The following PCDHGA1 variants were observed in gnomAD, a reference collection of about 807,000 sequenced individuals.
PCDHGA1 encodes the protein protocadherin gamma subfamily A, 1, also known as protocadherin gamma-A1.
PCDHGA1 carries 32 observed loss-of-function variants against 58.0 expected under a neutral mutation model. The ratio of observed to expected loss-of-function variants is 0.55; its 90% CI spans 0.42 to 0.74. The LOEUF is 0.74. PCDHGA1 is among the 30% of genes least tolerant of loss of function. The probability of loss-of-function intolerance (pLI) is 0.00; values close to 1 mark genes in which losing one functional copy is unlikely to be tolerated. For synonymous variants in PCDHGA1, 498 were observed against 501.1 expected, an observed-to-expected ratio of 0.99 and a Z score of 0.08; for missense variants, 1,205 against 1,182.3, an observed-to-expected ratio of 1.02 and a Z score of -0.28.
At chr5:141,439,009 G>T (rs1474312524) in intron 1 of PCDHGA1, among the ~76,000 whole-genome samples, 1 of 151,594 alleles carries the variant, frequency 6.6e-6, no homozygotes, top group Non-Finnish European at 1.5e-5. Flanking sequence ...TGGTTTGTTT[G>T]TCAAATTTTG....
chr5:141,487,391 A>C lies in PCDHGA1; in HGVS notation c.2422-7416A>C. 1 of 1,614,090 alleles carries C rather than the reference A, an allele frequency of 6.2e-7. No homozygotes were observed. The highest frequency in any genetic ancestry group is 1.1e-5 in the South Asian group (1 of 91,078). ...TGCCTGTCTCACCAGATCTCGAAGG[A>C]GGGAGGGGCTTCCCCCTTCCAATGG... On this transcript the variant is annotated intron_variant, in intron 1 of 3. Transcript: ENST00000517417. The surrounding 1 kb of genome is among the most constrained non-coding windows in gnomAD (Gnocchi z 5.0).
Position 141,390,256 on chromosome 5 carries a change from A to G in PCDHGA1, c.2421+57151A>G, listed in dbSNP as rs2150415347. On this transcript the variant is annotated intron_variant, in intron 1 of 3. Coordinates refer to ENST00000517417, the MANE Select transcript of PCDHGA1 (RefSeq NM_018912.3). ...TCTGGGGCCTTATTTCCACTTTGTAATTCCAGTGAATTGACTTCCCATCAG... is the reference window on the plus strand; with the variant it reads ...TCTGGGGCCTTATTTCCACTTTGTAGTTCCAGTGAATTGACTTCCCATCAG... 6 of 1,614,022 alleles carry G rather than the reference A, an allele frequency of 3.7e-6. No homozygotes were observed. The East Asian group carries it at 1.3e-4, about 36-fold the overall frequency.
chr5:141,446,821 T>C lies in PCDHGA1; in HGVS notation c.2422-47986T>C, dbSNP rs183143971. ...CATTGTGATCATCTAGTCAGATGGG[T>C]AGATCCTTATAAGGCTGAGCATAAT... On this transcript the variant is annotated intron_variant, in intron 1 of 3. Coordinates refer to ENST00000517417, the MANE Select transcript of PCDHGA1 (RefSeq NM_018912.3). 1.6e-3 allele frequency among the ~76,000 whole-genome samples: 244 copies of C among 152,302 alleles called. 2 individuals carry two copies. The highest frequency in any genetic ancestry group is 5.4e-3 in the African/African-American group (223 of 41,572).
chr5:141,374,416 G>A, intron 1 of PCDHGA1: 2 of 1,613,948 alleles, frequency 1.2e-6, no homozygotes, highest in Non-Finnish European at 1.7e-6. Context: ...TCCTTGTCGA[G>A]GATAAACTGA....
intron 1 of PCDHGA1, chr5:141,338,823 C>G: frequency 3.6e-6 from 5 of 1,388,904 alleles, no homozygotes; most frequent in Non-Finnish European, 4.6e-6. Flanking sequence ...CTTCAGGACA[C>G]CAAAGAAATT....
chr5:141,471,408 T>C (rs951728688), intron 1 of PCDHGA1: 1 of 152,166 alleles, frequency 6.6e-6, no homozygotes, highest in Non-Finnish European at 1.5e-5. Flanking sequence ...CTAGGCTTAG[T>C]TATGTTTTTA....
intron 1 of PCDHGA1, among the ~76,000 whole-genome samples, chr5:141,380,345 TG>T (rs1448564641): frequency 6.6e-6 from 1 of 152,202 alleles, no homozygotes; most frequent in African/African-American, 2.4e-5. Context: ...AGAACTGTTT[TG>T]TTGTTTGTTT....
chr5:141,357,872 T>A (rs1760752511), intron 1 of PCDHGA1: 1 of 562,694 alleles, frequency 1.8e-6, no homozygotes, highest in African/African-American at 1.9e-5. Flanking sequence ...ATTTTACAAC[T>A]CTGAGCCACC....
chr5:141,435,686 T>C (rs2097774326), intron 1 of PCDHGA1, among the ~76,000 whole-genome samples: 1 of 152,340 alleles, frequency 6.6e-6, no homozygotes, highest in Non-Finnish European at 1.5e-5. Flanking sequence ...GAGAACTTTA[T>C]GCTTATTGTA....
intron 1 of PCDHGA1, among the ~76,000 whole-genome samples, chr5:141,357,914 G>A (rs1588531093): frequency 6.6e-6 from 1 of 152,274 alleles, no homozygotes; most frequent in East Asian, 1.9e-4. Flanking sequence ...TCTGTGCTGG[G>A]TGTGGTGGCT....
chr5:141,341,536 T>C (rs1056943929), intron 1 of PCDHGA1: 2 of 1,476,684 alleles, frequency 1.4e-6, no homozygotes, highest in South Asian at 2.8e-5. Flanking sequence ...GAATTATTTC[T>C]TGGTAGGTCT....
intron 1 of PCDHGA1, chr5:141,357,548 A>G: frequency 6.2e-7 from 1 of 1,614,204 alleles, no homozygotes; most frequent in South Asian, 1.1e-5. Context: ...ATCAGCCGGG[A>G]GAGTTGTGAG....
chr5:141,382,887 A>T (rs1778529404), intron 1 of PCDHGA1: 1 of 1,530,424 alleles, frequency 6.5e-7, no homozygotes, highest in Non-Finnish European at 8.8e-7. Context: ...TAAGCAAGAG[A>T]AGCAGGACGA....
intron 1 of PCDHGA1, chr5:141,376,072 C>T (rs755171325): frequency 6.8e-6 from 11 of 1,613,380 alleles, no homozygotes; most frequent in South Asian, 6.6e-5. Context: ...TCACCGTGGC[C>T]GTGGCCGACA....
chr5:141,394,208 C>A (rs972602841), intron 1 of PCDHGA1: 6 of 1,613,930 alleles, frequency 3.7e-6, no homozygotes, highest in Non-Finnish European at 5.1e-6. Context: ...TAGAGAACAA[C>A]CTGAGAGGAG....
At chr5:141,459,874 A>G (rs922438277) in intron 1 of PCDHGA1, among the ~76,000 whole-genome samples, 10 of 152,156 alleles carry the variant, frequency 6.6e-5, no homozygotes, top group African/African-American at 2.4e-4. Flanking sequence ...TTCATCTTTA[A>G]CTGAGCTGAA....
At chr5:141,414,064 C>T in intron 1 of PCDHGA1, 1 of 1,607,864 alleles carries the variant, frequency 6.2e-7, no homozygotes, top group Non-Finnish European at 8.5e-7. Context: ...GTTGAAGTTC[C>T]AACTAAACAA....
intron 1 of PCDHGA1, among the ~76,000 whole-genome samples, chr5:141,479,979 T>C (rs67253891): frequency 0.061 from 9,352 of 152,266 alleles, 334 homozygotes; most frequent in South Asian, 0.12. Context: ...GTTCTACCAT[T>C]TACCAACTAG....
At chr5:141,364,423 C>A (rs773799474) in intron 1 of PCDHGA1, 1 of 1,613,592 alleles carries the variant, frequency 6.2e-7, no homozygotes, top group Non-Finnish European at 8.5e-7. Context: ...CCGGGCAGAT[C>A]CGCTACTCGA....
Sources: allele counts gnomAD v4.1 joint callset (sites outside exome capture counted in the v4.1 genomes callset), GRCh38; gene constraint gnomAD v4.1.1; non-coding constraint Gnocchi (gnomAD v3.1); transcripts MANE v1.5; gene names NCBI Gene and HGNC (gene_info 2026-07-23, HGNC 2026-07-21).